FCRL3: variants seen among roughly 807,000 people sequenced by gnomAD.
FCRL3 encodes the protein Fc receptor-like protein 3.
FCRL3 carries 89 observed loss-of-function variants against 75.0 expected under a neutral mutation model. The ratio of observed to expected loss-of-function variants is 1.19; its 90% CI spans 1.00 to 1.42. The LOEUF is 1.42. FCRL3 is among the 40% of genes most tolerant of loss of function. The pLI is 0.00. For missense variants in FCRL3, 946 were observed against 880.0 expected (o/e 1.07, Z -0.95); for synonymous variants, 376 against 348.5 (o/e 1.08, Z -0.88).
chr1:157,697,279 G>T lies in FCRL3; in HGVS notation c.705C>A (p.Leu235=). The part of the protein sequence containing the change: ...QFSLFRDSQT[L]GLGWSRSPRL... ...TGGGGGACCTGCTCCAGCCCAATCC[G>T]AGGGTCTGGCTATCTCTGAAGAGGG... is the stretch of plus-strand genomic sequence containing the variant. Residue 235 remains leucine, a synonymous_variant, in exon 6 of 15, where the codon CTC becomes CTA. Transcript: ENST00000368184. 6.2e-7 allele frequency: 1 copy of T among 1,612,488 alleles called. No homozygotes were observed. The highest frequency in any genetic ancestry group is 8.5e-7 in the Non-Finnish European group (1 of 1,179,058).
rs1353045105 is a variant in FCRL3, at chr1:157,690,543, G to C, written c.1412-10C>G. ...GGGCGAGACACCGGAACTGAGGGAG[G>C]AAAAATAGTTCACTGGCAGTTTTAC... On this transcript the variant is annotated splice_polypyrimidine_tract_variant and intron_variant, in intron 8 of 14. Coordinates refer to ENST00000368184, the MANE Select transcript of FCRL3 (RefSeq NM_052939.4). 6.2e-7 allele frequency: 1 copy of C among 1,611,408 alleles called. No individual in the cohort carries two copies. The highest frequency in any genetic ancestry group is 1.7e-5 in the Admixed American group (1 of 59,334).
Position 157,700,749 on chromosome 1 carries a change from G to C in FCRL3, c.-184C>G. The C allele has an allele frequency of 7.2e-7, 1 of 1,387,872 alleles. No individual in the cohort carries two copies. The highest frequency in any genetic ancestry group is 1.6e-5 in the South Asian group (1 of 62,158). 86.0% of individuals were successfully genotyped at this position (1,387,872 alleles called of 1,614,324 possible). ...TCTTCCATCAGCTGCAGTCTCTCAG[G>C]AGTAATGTCTCCAAGACTGTGCCTG... On this transcript the variant is annotated 5_prime_UTR_variant, in exon 1 of 15. Coordinates refer to ENST00000368184, the MANE Select transcript of FCRL3 (RefSeq NM_052939.4).
At chr1:157,686,102 G>T (rs748493239) in intron 10 of FCRL3, among the ~76,000 whole-genome samples, 6 of 151,958 alleles carry the variant, frequency 3.9e-5, no homozygotes, top group Non-Finnish European at 5.9e-5. Context: ...AAGGTTTCAG[G>T]ACACAAAATT....
At chr1:157,695,820 C>T (rs1486546737) in intron 7 of FCRL3, 4 of 708,410 alleles carry the variant, frequency 5.6e-6, no homozygotes, top group Non-Finnish European at 9.2e-6. Flanking sequence ...CTCAGTCTTC[C>T]CCGCAAGAAG....
intron 10 of FCRL3, among the ~76,000 whole-genome samples, chr1:157,689,456 G>A (rs986587861): frequency 1.1e-4 from 16 of 151,574 alleles, no homozygotes; most frequent in East Asian, 3.9e-4. Flanking sequence ...AATATATCTC[G>A]GAGTTTATGG....
In FCRL3 at chr1:157,700,439, A is replaced by C. The variant is rs1467040986; in HGVS notation, c.31+20T>G. 1.9e-6 allele frequency: 3 copies of C among 1,613,772 alleles called. No homozygotes were observed. Among genetic ancestry groups the C allele is most frequent in the Non-Finnish European group, 2.5e-6 (3 of 1,179,914 alleles). On this transcript the variant is annotated intron_variant, in intron 2 of 14. Transcript: ENST00000368184. Reference sequence around the variant, plus strand: ...CTTTAGGAACTGAGGCCGTGGCCCCATTATAGCCCATCTACTCACTCAGGA... The same window carrying C: ...CTTTAGGAACTGAGGCCGTGGCCCCCTTATAGCCCATCTACTCACTCAGGA...
At chr1:157,699,317 C>A (rs1656161631) in intron 3 of FCRL3, among the ~76,000 whole-genome samples, 1 of 152,122 alleles carries the variant, frequency 6.6e-6, no homozygotes, top group African/African-American at 2.4e-5. Context: ...GTAGCATCTT[C>A]CTCCGTGGAT....
intron 11 of FCRL3, among the ~76,000 whole-genome samples, chr1:157,681,923 A>G (rs2101589780): frequency 6.6e-6 from 1 of 151,876 alleles, no homozygotes; most frequent in African/African-American, 2.4e-5. Context: ...TGACTTTTTA[A>G]TGATCGCCAT....
At chr1:157,698,054 C>CA in intron 4 of FCRL3, 135 bp from the exon 5 acceptor site, 1 of 989,292 alleles carries the variant, frequency 1.0e-6, no homozygotes, top group Non-Finnish European at 1.5e-6. Flanking sequence ...CATGTGGCCC[C>CA]AAATACCTGA....
chr1:157,682,198 G>A lies in FCRL3; in HGVS notation c.1838+1019C>T, dbSNP rs188576739. On this transcript the variant is annotated intron_variant, in intron 11 of 14. Transcript: ENST00000368184. ...TTTTCTCCCATTTTGTGGGTTGCCTGTTCACTCTGATGGTAATTTCTTTTG... is the reference window on the plus strand; with the variant it reads ...TTTTCTCCCATTTTGTGGGTTGCCTATTCACTCTGATGGTAATTTCTTTTG... Among the ~76,000 whole-genome samples the A allele has an allele frequency of 5.5e-3, 833 of 152,260 alleles. 6 individuals carry two copies. Among genetic ancestry groups the A allele is most frequent in the African/African-American group, 0.019 (796 of 41,540 alleles).
At chr1:157,696,018 T>G (rs1655875074) in intron 7 of FCRL3, 22 bp downstream of exon 7, 1 of 1,594,294 alleles carries the variant, frequency 6.3e-7, no homozygotes, top group Admixed American at 1.7e-5. Context: ...CTCGAGGCTG[T>G]GTGAAAGGAA....
intron 11 of FCRL3, among the ~76,000 whole-genome samples, chr1:157,681,575 T>C (rs547826897): frequency 6.6e-6 from 1 of 152,242 alleles, no homozygotes; most frequent in Admixed American, 6.5e-5. Context: ...CATGAACTCA[T>C]CATTTTTTAC....
In FCRL3 at chr1:157,678,436, A is replaced by C; in HGVS notation, c.*274T>G. The C allele has an allele frequency of 7.8e-7, 1 of 1,285,296 alleles. No homozygotes were observed. 79.6% of individuals were successfully genotyped at this position (1,285,296 alleles called of 1,614,324 possible). ...CTAGACCATTTCTCTCTCCTCCTCT[A>C]TTCGACAGCCCTAGGAGCTGAGGGC... On this transcript the variant is annotated 3_prime_UTR_variant, in exon 15 of 15. Transcript: ENST00000368184.
rs1654527184 is a variant in FCRL3, at chr1:157,677,390, CCTACATGAACCAAGT to C, written c.*1305_*1319del. 1 of 985,562 alleles carries C rather than the reference CCTACATGAACCAAGT, an allele frequency of 1.0e-6. No homozygotes were observed. The highest frequency in any genetic ancestry group is 1.2e-6 in the Non-Finnish European group (1 of 830,084). The allele number at this position is 985,562 out of a possible 1,614,324, so 61.1% of individuals were successfully genotyped here. On this transcript the variant is annotated 3_prime_UTR_variant, in exon 15 of 15. Transcript: ENST00000368184. Reference sequence around the variant, plus strand: ...GGTGCTTTGAAAGGGACTTGGTGTTCCTACATGAACCAAGTGAAGGCCTAGAATTGGCAACATTCA... The same window carrying C: ...GGTGCTTTGAAAGGGACTTGGTGTTCGAAGGCCTAGAATTGGCAACATTCA...
chr1:157,684,694 A>G (rs1655067451), intron 10 of FCRL3, among the ~76,000 whole-genome samples: 1 of 152,214 alleles, frequency 6.6e-6, no homozygotes, highest in African/African-American at 2.4e-5. Context: ...TGTTATTATT[A>G]TAACCACTTC....
intron 8 of FCRL3, among the ~76,000 whole-genome samples, chr1:157,693,892 C>T (rs537123163): frequency 2.0e-5 from 3 of 152,108 alleles, no homozygotes; most frequent in Non-Finnish European, 2.9e-5. Context: ...AGAGTACAGG[C>T]GCATGCCACC....
At chr1:157,696,495 T>C in intron 6 of FCRL3, 168 bp from the exon 7 acceptor site, 1 of 625,496 alleles carries the variant, frequency 1.6e-6, no homozygotes, top group Non-Finnish European at 2.7e-6. Flanking sequence ...GGAAGCAACA[T>C]CCCTCTCACT....
At chr1:157,700,351 T>A in intron 2 of FCRL3, 108 bp downstream of exon 2, 5 of 1,538,280 alleles carry the variant, frequency 3.3e-6, no homozygotes, top group Non-Finnish European at 4.4e-6. Flanking sequence ...CATCCCTTGC[T>A]ATCTGTCTCT....
chr1:157,697,095 TC>T, intron 6 of FCRL3, 44 bp downstream of exon 6: 1 of 1,385,688 alleles, frequency 7.2e-7, no homozygotes, highest in Non-Finnish European at 9.4e-7. Context: ...CTGGCCTTCC[TC>T]TCCCCAGCTC....
Sources: allele counts gnomAD v4.1 joint callset (sites outside exome capture counted in the v4.1 genomes callset), GRCh38; gene constraint gnomAD v4.1.1; transcripts MANE v1.5; gene names NCBI Gene and HGNC (gene_info 2026-07-23, HGNC 2026-07-21).